The following VPS50 variants were observed in gnomAD, a reference collection of about 807,000 sequenced individuals.
The protein encoded by VPS50 is VPS50 subunit of EARP/GARPII complex, also known as syndetin.
In VPS50, 70 loss-of-function variants were observed where a neutral mutation model predicts 139.7. The observed-to-expected ratio is 0.50, with a 90% CI of 0.41 to 0.61. VPS50 has a LOEUF of 0.61. Among genes scored for constraint, VPS50 ranks in the 20% least tolerant of loss-of-function variants. VPS50 has a pLI of 0.00. For synonymous variants in VPS50, 365 were observed against 376.7 expected, an observed-to-expected ratio of 0.97 and a Z score of 0.36; for missense variants, 921 against 1,133.7, an observed-to-expected ratio of 0.81 and a Z score of 2.69.
At chr7:93,242,790 A>G (rs552421928) in intron 2 of VPS50, among the ~76,000 whole-genome samples, 5 of 152,076 alleles carry the variant, frequency 3.3e-5, no homozygotes, top group African/African-American at 1.2e-4. Flanking sequence ...TTTTCAAGAA[A>G]GAAATAGGTT....
intron 12 of VPS50, among the ~76,000 whole-genome samples, chr7:93,291,145 T>C (rs1043891713): frequency 1.3e-5 from 2 of 152,038 alleles, no homozygotes; most frequent in African/African-American, 4.8e-5. Flanking sequence ...TTAAGGAGAG[T>C]ATTTGAGTTC....
chr7:93,334,072 C>CA, intron 21 of VPS50, 45 bp from the exon 22 acceptor site: 2 of 1,036,250 alleles, frequency 1.9e-6, no homozygotes, highest in African/African-American at 3.2e-5. Context: ...GTAACATTTG[C>CA]AAGATGATCT....
intron 20 of VPS50, among the ~76,000 whole-genome samples, chr7:93,322,599 CAAAA>C (rs71528064): frequency 1.5e-5 from 1 of 66,162 alleles, no homozygotes; most frequent in Admixed American, 1.6e-4. Flanking sequence ...GACTCCGTCT[CAAAA>C]AAAAAAAAAA....
At chr7:93,266,445 G>T (rs530028781) in intron 9 of VPS50, among the ~76,000 whole-genome samples, 4 of 152,276 alleles carry the variant, frequency 2.6e-5, no homozygotes, top group Admixed American at 2.6e-4. Context: ...TGTATAGTCA[G>T]ATTTGTTCAA....
intron 21 of VPS50, among the ~76,000 whole-genome samples, chr7:93,328,563 C>T (rs937042984): frequency 3.3e-5 from 5 of 152,118 alleles, no homozygotes; most frequent in East Asian, 1.9e-4. Flanking sequence ...TATTTGAAGA[C>T]GCTGGAGAGT....
chr7:93,299,725 A>G (rs1796921071), intron 16 of VPS50, among the ~76,000 whole-genome samples: 2 of 152,184 alleles, frequency 1.3e-5, no homozygotes, highest in Non-Finnish European at 2.9e-5. Context: ...ATAAAACTGT[A>G]TGAACACATG....
intron 20 of VPS50, among the ~76,000 whole-genome samples, chr7:93,312,435 A>G (rs13224723): frequency 0.18 from 27,456 of 151,978 alleles, 2,491 homozygotes; most frequent in African/African-American, 0.21. Context: ...CTTCTGTTTC[A>G]TGACTCCCAG....
At chr7:93,300,942 A>G (rs1285963942) in intron 16 of VPS50, among the ~76,000 whole-genome samples, 14 of 152,184 alleles carry the variant, frequency 9.2e-5, no homozygotes, top group Admixed American at 9.2e-4. Context: ...CAACAAATAC[A>G]TTAAATGTAA....
chr7:93,319,991 C>CT (rs1184393078), intron 20 of VPS50, among the ~76,000 whole-genome samples: 1 of 151,658 alleles, frequency 6.6e-6, no homozygotes, highest in Non-Finnish European at 1.5e-5. Flanking sequence ...TTCTTTTTAG[C>CT]TTGAATTATT....
intron 27 of VPS50, 72 bp downstream of exon 27, chr7:93,356,152 TTAATTCAAAA>T (rs1798701483): frequency 1.4e-6 from 1 of 736,468 alleles, no homozygotes; most frequent in African/African-American, 1.8e-5. Context: ...GGTGTGTTAT[TTAATTCAAAA>T]TCATGAGAGT....
chr7:93,326,138 T>A (rs1797763994), intron 21 of VPS50, among the ~76,000 whole-genome samples: 1 of 151,800 alleles, frequency 6.6e-6, no homozygotes, highest in Non-Finnish European at 1.5e-5. Flanking sequence ...TGAGTTCATG[T>A]CCTTTGTAGG....
chr7:93,284,671 A>T (rs545273128), intron 12 of VPS50, among the ~76,000 whole-genome samples: 1 of 152,338 alleles, frequency 6.6e-6, no homozygotes, highest in African/African-American at 2.4e-5. Context: ...TGCTAAAAGC[A>T]TATGCATATT....
chr7:93,272,502 T>C (rs1228380888), intron 10 of VPS50, 133 bp from the exon 11 acceptor site: 1 of 429,312 alleles, frequency 2.3e-6, no homozygotes, highest in Non-Finnish European at 4.1e-6. Flanking sequence ...TGTTTTTGAC[T>C]TCTAAATCTG....
At chr7:93,325,900 G>C (rs1223255842) in intron 21 of VPS50, among the ~76,000 whole-genome samples, 1 of 151,000 alleles carries the variant, frequency 6.6e-6, no homozygotes, top group African/African-American at 2.4e-5. Context: ...GATTCCTCAG[G>C]GATCTAGAAC....
intron 9 of VPS50, among the ~76,000 whole-genome samples, chr7:93,260,887 G>A (rs1340368770): frequency 6.6e-6 from 1 of 152,038 alleles, no homozygotes; most frequent in South Asian, 2.1e-4. Context: ...GTAGAGATGG[G>A]GTTTTGCCAT....
chr7:93,350,232 G>C (rs1210308541), intron 25 of VPS50, among the ~76,000 whole-genome samples, 199 bp downstream of exon 25: 1 of 152,118 alleles, frequency 6.6e-6, no homozygotes, highest in Non-Finnish European at 1.5e-5. Flanking sequence ...AGATTTTTTA[G>C]CTTTGTTCAC....
intron 12 of VPS50, among the ~76,000 whole-genome samples, chr7:93,278,404 CA>C (rs1796222284): frequency 6.6e-6 from 1 of 150,408 alleles, no homozygotes; most frequent in Non-Finnish European, 1.5e-5. Context: ...GCCTGGACAA[CA>C]TGCAAAACCC....
chr7:93,333,958 C>A, intron 21 of VPS50, 159 bp from the exon 22 acceptor site: 1 of 585,346 alleles, frequency 1.7e-6, no homozygotes, highest in Non-Finnish European at 3.0e-6. Flanking sequence ...TGAGATTTGA[C>A]TCCTTTGTTT....
intron 25 of VPS50, among the ~76,000 whole-genome samples, chr7:93,351,534 C>T (rs1412154118): frequency 2.0e-5 from 3 of 152,140 alleles, no homozygotes; most frequent in Non-Finnish European, 2.9e-5. Context: ...GATCAAGGCT[C>T]AGGCAGATTT....
Sources: allele counts gnomAD v4.1 joint callset (sites outside exome capture counted in the v4.1 genomes callset), GRCh38; gene constraint gnomAD v4.1.1; transcripts MANE v1.5; gene names NCBI Gene and HGNC (gene_info 2026-07-23, HGNC 2026-07-21).